The following RNGTT variants were observed in gnomAD, a reference collection of about 807,000 sequenced individuals.
The protein encoded by RNGTT is mRNA-capping enzyme.
Under a neutral mutation model 79.3 loss-of-function variants are expected in RNGTT, and 33 were observed. The observed-to-expected ratio is 0.42, with a 90% CI of 0.32 to 0.56. The LOEUF is 0.56. RNGTT is among the 20% of genes least tolerant of loss of function. The pLI, the probability that RNGTT is intolerant of heterozygous loss-of-function variation, is 0.17. For missense variants in RNGTT, 497 were observed against 739.1 expected (o/e 0.67, Z 3.80); for synonymous variants, 222 against 235.9 (o/e 0.94, Z 0.54).
intron 13 of RNGTT, among the ~76,000 whole-genome samples, chr6:88,751,635 A>G (rs1396660050): frequency 6.6e-6 from 1 of 152,080 alleles, no homozygotes; most frequent in Non-Finnish European, 1.5e-5. Context: ...AAACCCTCTC[A>G]TTGGTAAGAG....
At chr6:88,848,906 G>A (rs1781576043) in intron 10 of RNGTT, among the ~76,000 whole-genome samples, 1 of 151,968 alleles carries the variant, frequency 6.6e-6, no homozygotes, top group Non-Finnish European at 1.5e-5. Flanking sequence ...TTATTTTTCA[G>A]ACTCTTCTAT....
chr6:88,732,996 G>A (rs549180386), intron 13 of RNGTT, among the ~76,000 whole-genome samples: 1 of 152,274 alleles, frequency 6.6e-6, no homozygotes, highest in South Asian at 2.1e-4. Context: ...ATGAAGAAAG[G>A]AAATACAGTA....
chr6:88,699,917 A>G (rs1234737873), intron 13 of RNGTT, among the ~76,000 whole-genome samples: 1 of 152,180 alleles, frequency 6.6e-6, no homozygotes, highest in Non-Finnish European at 1.5e-5. Flanking sequence ...TGAAGAAGAG[A>G]GAGGAATGAG....
intron 14 of RNGTT, among the ~76,000 whole-genome samples, chr6:88,659,263 A>G (rs988721815): frequency 2.0e-5 from 3 of 152,244 alleles, no homozygotes; most frequent in Non-Finnish European, 4.4e-5. Flanking sequence ...TAAAGATCAC[A>G]CTAGCTCCCC....
intron 13 of RNGTT, among the ~76,000 whole-genome samples, chr6:88,752,984 T>C (rs893448006): frequency 4.6e-5 from 7 of 152,146 alleles, no homozygotes; most frequent in African/African-American, 1.7e-4. Flanking sequence ...AATGTCTTTA[T>C]ATACTCTTTG....
At chr6:88,720,993 G>T (rs1162653179) in intron 13 of RNGTT, among the ~76,000 whole-genome samples, 2 of 151,908 alleles carry the variant, frequency 1.3e-5, no homozygotes, top group African/African-American at 4.8e-5. Flanking sequence ...TTCCTCTCTT[G>T]TGGTCCCAAG....
intron 13 of RNGTT, among the ~76,000 whole-genome samples, chr6:88,740,611 G>A (rs1777454927): frequency 6.6e-6 from 1 of 152,118 alleles, no homozygotes; most frequent in Admixed American, 6.6e-5. Flanking sequence ...GTCCTTTGCA[G>A]GGACATGGAT....
intron 13 of RNGTT, among the ~76,000 whole-genome samples, chr6:88,729,011 G>A (rs558546696): frequency 2.0e-5 from 3 of 152,250 alleles, no homozygotes; most frequent in African/African-American, 7.2e-5. Context: ...ACCGGGCGTG[G>A]GCTGCATGGT....
chr6:88,925,924 T>C (rs1784304992), intron 4 of RNGTT, among the ~76,000 whole-genome samples: 1 of 152,126 alleles, frequency 6.6e-6, no homozygotes, highest in South Asian at 2.1e-4. Context: ...CCTTAGACAT[T>C]TTGATTACGT....
Position 88,628,299 on chromosome 6 carries a change from A to C in RNGTT, c.1507-13904T>G, listed in dbSNP as rs551336871. Among the ~76,000 whole-genome samples the C allele has an allele frequency of 2.6e-5, 4 of 152,282 alleles. No homozygotes were observed. The South Asian group carries it at 8.3e-4, about 32-fold the overall frequency. On this transcript the variant is annotated intron_variant, in intron 14 of 15. Coordinates refer to ENST00000369485, the MANE Select transcript of RNGTT (RefSeq NM_003800.5). ...CTAAATATCTTCTCCCCTAAAACCC[A>C]AAAACACCACAATAACTTCTCTCTG... is the stretch of plus-strand genomic sequence containing the variant.
At chr6:88,689,392 G>A (rs925194156) in intron 13 of RNGTT, among the ~76,000 whole-genome samples, 10 of 152,102 alleles carry the variant, frequency 6.6e-5, no homozygotes, top group Admixed American at 5.2e-4. Context: ...TCAGCGGTTC[G>A]AGACCAGCCT....
At chr6:88,774,813 T>C (rs770867589) in intron 12 of RNGTT, among the ~76,000 whole-genome samples, 10 of 152,030 alleles carry the variant, frequency 6.6e-5, no homozygotes, top group Admixed American at 6.6e-5. Flanking sequence ...AGGGCTACAG[T>C]ATGGAAGAAA....
chr6:88,816,719 T>G (rs1028933854), intron 11 of RNGTT, among the ~76,000 whole-genome samples: 1 of 152,156 alleles, frequency 6.6e-6, no homozygotes, highest in Non-Finnish European at 1.5e-5. Flanking sequence ...CAAAAAAACC[T>G]TTGCGAGCAC....
intron 12 of RNGTT, among the ~76,000 whole-genome samples, chr6:88,772,858 T>G (rs983332137): frequency 9.9e-5 from 15 of 152,020 alleles, no homozygotes; most frequent in African/African-American, 3.6e-4. Context: ...AGGAACACTT[T>G]TACACTGTTG....
chr6:88,920,497 T>C (rs1784131680), intron 4 of RNGTT, among the ~76,000 whole-genome samples: 2 of 152,176 alleles, frequency 1.3e-5, no homozygotes, highest in South Asian at 2.1e-4. Flanking sequence ...TATATATTCA[T>C]ACATTTATAT....
intron 11 of RNGTT, among the ~76,000 whole-genome samples, chr6:88,823,457 A>G (rs1011538138): frequency 6.9e-6 from 1 of 143,932 alleles, no homozygotes; most frequent in Non-Finnish European, 1.5e-5. Context: ...AAAAAAAAAA[A>G]GCCTCTGTTA....
intron 13 of RNGTT, among the ~76,000 whole-genome samples, chr6:88,741,456 A>G (rs139622933): frequency 4.9e-4 from 74 of 152,264 alleles, no homozygotes; most frequent in South Asian, 1.9e-3. Context: ...GAAAGAGGGG[A>G]AAGGGATGCA....
In RNGTT at chr6:88,946,302, C is replaced by A. The variant is rs9451109; in HGVS notation, c.65-5122G>T. Among the ~76,000 whole-genome samples the A allele has an allele frequency of 7.7e-3, 1,179 of 152,232 alleles. 8 individuals are homozygous for A. The highest frequency in any genetic ancestry group is 0.026 in the African/African-American group (1,090 of 41,534). ...TTGTTTTGGAGTGCCATGAACAACA[C>A]CCATAAGATGGCAAACTTAATAAAT... On this transcript the variant is annotated intron_variant, in intron 1 of 15. Coordinates refer to ENST00000369485, the MANE Select transcript of RNGTT (RefSeq NM_003800.5).
chr6:88,855,834 C>T (rs1781827985), intron 8 of RNGTT, among the ~76,000 whole-genome samples: 1 of 152,178 alleles, frequency 6.6e-6, no homozygotes, highest in Non-Finnish European at 1.5e-5. Flanking sequence ...GCAGCAATTC[C>T]TGGTGGATAG....
Sources: allele counts gnomAD v4.1 joint callset (sites outside exome capture counted in the v4.1 genomes callset), GRCh38; gene constraint gnomAD v4.1.1; transcripts MANE v1.5; gene names NCBI Gene and HGNC (gene_info 2026-07-23, HGNC 2026-07-21).